SLC12A7: variants seen among roughly 807,000 people sequenced by gnomAD.
SLC12A7 encodes the protein K-Cl cotransporter 4.
Under a neutral mutation model 120.6 loss-of-function variants are expected in SLC12A7, and 100 were observed. The observed-to-expected ratio is 0.83, with a 90% CI of 0.71 to 0.98. SLC12A7 has a LOEUF of 0.98. Among genes scored for constraint, SLC12A7 ranks in the 50% least tolerant of loss-of-function variants. The probability of loss-of-function intolerance (pLI) is 0.00; values close to 1 mark genes in which losing one functional copy is unlikely to be tolerated. For missense variants in SLC12A7, 1,373 were observed against 1,548.1 expected, an observed-to-expected ratio of 0.89 and a Z score of 1.90; for synonymous variants, 760 against 678.0, an observed-to-expected ratio of 1.12 and a Z score of -1.88.
At chr5:1,068,999 A>G (rs1167944602) in intron 17 of SLC12A7, among the ~76,000 whole-genome samples, 1 of 152,246 alleles carries the variant, frequency 6.6e-6, no homozygotes, top group African/African-American at 2.4e-5. Context: ...GGGATAAGGA[A>G]CACGGAAAGG....
chr5:1,085,490 G>A lies in SLC12A7; in HGVS notation c.676-17C>T, dbSNP rs745836315. Reference sequence around the variant, plus strand: ...GATGTACGTCTGTGGGAACAAGGCCGGTCGGGAGGCCGTCCCCGGACACAA... The same window carrying A: ...GATGTACGTCTGTGGGAACAAGGCCAGTCGGGAGGCCGTCCCCGGACACAA... On this transcript the variant is annotated splice_polypyrimidine_tract_variant and intron_variant, in intron 6 of 23. Transcript: ENST00000264930. 19 of 1,581,594 alleles carry A rather than the reference G, an allele frequency of 1.2e-5. No individual in the cohort carries two copies. Among genetic ancestry groups the A allele is most frequent in the Non-Finnish European group, 1.5e-5 (18 of 1,163,824 alleles).
At chr5:1,054,620 C>G (rs1735413932) in intron 22 of SLC12A7, among the ~76,000 whole-genome samples, 1 of 152,102 alleles carries the variant, frequency 6.6e-6, no homozygotes, top group South Asian at 2.1e-4. Context: ...TGACTGTGGC[C>G]CCCTGGGGGA....
At position 1,051,223 on chromosome 5, in the gene SLC12A7, C is replaced by T; in HGVS notation, c.*1137G>A. On this transcript the variant is annotated 3_prime_UTR_variant, in exon 24 of 24. Transcript: ENST00000264930. ...CGCCGCCTCCATGCAAGGCACAGGCCATGGCAGGGGACGCCCGGGACTCAG... is the reference window on the plus strand; with the variant it reads ...CGCCGCCTCCATGCAAGGCACAGGCTATGGCAGGGGACGCCCGGGACTCAG... The T allele has an allele frequency of 3.1e-6, 1 of 318,738 alleles. No individual in the cohort carries two copies. The highest frequency in any genetic ancestry group is 5.7e-6 in the Non-Finnish European group (1 of 175,946). 19.7% of individuals were successfully genotyped at this position (318,738 alleles called of 1,614,324 possible).
At chr5:1,100,901 G>A (rs1446088215) in intron 1 of SLC12A7, among the ~76,000 whole-genome samples, 1 of 152,208 alleles carries the variant, frequency 6.6e-6, no homozygotes, top group Non-Finnish European at 1.5e-5. Flanking sequence ...GGACAGAAAA[G>A]CACACCCGGG....
At chr5:1,108,425 C>T (rs78723526) in intron 1 of SLC12A7, among the ~76,000 whole-genome samples, 3,515 of 152,304 alleles carry the variant, frequency 0.023, 117 homozygotes, top group East Asian at 0.13. Context: ...CACCACATAC[C>T]CATGACCTTC....
chr5:1,121,879 A>G, the SLC12A7 span, among the ~76,000 whole-genome samples: 2 of 152,264 alleles, frequency 1.3e-5, no homozygotes, highest in Middle Eastern at 3.4e-3. Context: ...ACTGTCCCTG[A>G]TGGGGTTGTG....
intron 1 of SLC12A7, among the ~76,000 whole-genome samples, chr5:1,100,846 C>A (rs1741946726): frequency 6.6e-6 from 1 of 152,338 alleles, no homozygotes; most frequent in South Asian, 2.1e-4. Context: ...CCCGAGGCAG[C>A]GTGGGAACTT....
intron 1 of SLC12A7, among the ~76,000 whole-genome samples, chr5:1,099,034 G>C (rs1322776099): frequency 1.3e-5 from 2 of 152,108 alleles, no homozygotes; most frequent in Middle Eastern, 3.2e-3. Flanking sequence ...GGTGCAGGAA[G>C]GTGAGATGGG....
At position 1,078,771 on chromosome 5, in the gene SLC12A7, T is replaced by C. The variant is rs1191342747; in HGVS notation, c.1397-13A>G. ...ATGCAGGAGAGATCCACAGCCCTCG[T>C]CAAGGAAAGGCAGGTCCGTGGGTGC... On this transcript the variant is annotated splice_polypyrimidine_tract_variant and intron_variant, in intron 10 of 23. Coordinates refer to ENST00000264930, the MANE Select transcript of SLC12A7 (RefSeq NM_006598.3). 1 of 1,586,278 alleles carries C rather than the reference T, an allele frequency of 6.3e-7. No individual in the cohort carries two copies. Among genetic ancestry groups the C allele is most frequent in the Non-Finnish European group, 8.6e-7 (1 of 1,168,402 alleles).
intron 18 of SLC12A7, among the ~76,000 whole-genome samples, chr5:1,064,749 CGAGGAGACGGT>C (rs1736753880): frequency 7.4e-6 from 1 of 136,020 alleles, no homozygotes; most frequent in East Asian, 2.3e-4. Context: ...GAGGGGACGG[CGAGGAGACGGT>C]GAAGGGACAG....
rs1332685336 is a variant in SLC12A7, at chr5:1,076,755, G to A, written c.1687C>T (p.Leu563Phe). 6.2e-6 allele frequency: 10 copies of A among 1,611,506 alleles called. No homozygotes were observed. Among genetic ancestry groups the A allele is most frequent in the Middle Eastern group, 1.7e-4 (1 of 6,058 alleles). ...EPTWALLLTV[L>F]ICETGILIAS... ...ATGAGGATGCCAGTCTCGCAGATGA[G>A]GACTGTCAGCAGCAGCGCCCACGTG... is the stretch of plus-strand genomic sequence containing the variant. Residue 563 changes from leucine (L) to phenylalanine (F), a missense_variant, in exon 13 of 24, where the codon CTC (leucine) becomes TTC (phenylalanine). Physicochemically the swap from Leu to Phe is conservative, Grantham distance 22 (BLOSUM62 0). Transcript: ENST00000264930.
In SLC12A7 at chr5:1,079,508, G is replaced by A. The variant is rs771579260; in HGVS notation, c.1298-12C>T. 27 of 1,608,256 alleles carry A rather than the reference G, an allele frequency of 1.7e-5. No individual in the cohort carries two copies. The highest frequency in any genetic ancestry group is 2.3e-5 in the Non-Finnish European group (27 of 1,175,972). On this transcript the variant is annotated splice_polypyrimidine_tract_variant and intron_variant, in intron 9 of 23. Transcript: ENST00000264930. ...ACCCGCCATGATACCTGTGAACATGGAAAATGCTGCAAAGACCCATCTGAG... is the reference window on the plus strand; with the variant it reads ...ACCCGCCATGATACCTGTGAACATGAAAAATGCTGCAAAGACCCATCTGAG...
intron 3 of SLC12A7, among the ~76,000 whole-genome samples, chr5:1,090,346 T>C (rs1380543720): frequency 6.6e-6 from 1 of 152,186 alleles, no homozygotes; most frequent in East Asian, 1.9e-4. Context: ...GCCCTGGATC[T>C]GAGAGCCTGG....
chr5:1,138,873 C>G, the SLC12A7 span, among the ~76,000 whole-genome samples: 1 of 152,228 alleles, frequency 6.6e-6, no homozygotes, highest in Non-Finnish European at 1.5e-5. Flanking sequence ...AACTGCAACA[C>G]ACAGCTTTCT....
chr5:1,132,235 A>G, the SLC12A7 span, among the ~76,000 whole-genome samples: 2 of 152,144 alleles, frequency 1.3e-5, no homozygotes, highest in Non-Finnish European at 1.5e-5. Context: ...CAGTTTACAG[A>G]GGCCACGGCA....
In SLC12A7 at chr5:1,083,869, G is replaced by C. The variant is rs997680538; in HGVS notation, c.1005C>G (p.Thr335=). The change falls in exon 8 of 24, where the codon ACC becomes ACG. Residue 335 remains threonine (T), a synonymous_variant. Transcript: ENST00000264930. ...TGCAGAAGAGGCCCCAGAGCGCGGA[G>C]GTGGCTGAGTTGTTGTGGATGCCGT... ...KAYGIHNNSA[T]SALWGLFCNG... is the part of the protein sequence containing the mutation. The C allele has an allele frequency of 6.2e-7, 1 of 1,608,346 alleles. No homozygotes were observed. Among genetic ancestry groups the C allele is most frequent in the Non-Finnish European group, 8.5e-7 (1 of 1,177,564 alleles).
rs552371271 is a variant in SLC12A7, at chr5:1,060,950, G to A, written c.2740-499C>T. Among the ~76,000 whole-genome samples the A allele has an allele frequency of 1.2e-3, 176 of 150,650 alleles. 1 individual carries two copies. Among genetic ancestry groups the A allele is most frequent in the Admixed American group, 6.6e-3 (101 of 15,198 alleles). ...CGTGCGGGACCCCTGCGCCTCACCCGGAACATCCACAGTGTGGGACTGCTG... is the reference window on the plus strand; with the variant it reads ...CGTGCGGGACCCCTGCGCCTCACCCAGAACATCCACAGTGTGGGACTGCTG... On this transcript the variant is annotated intron_variant, in intron 20 of 23. Transcript: ENST00000264930.
chr5:1,106,404 G>A (rs1001643898), intron 1 of SLC12A7, among the ~76,000 whole-genome samples: 2 of 146,956 alleles, frequency 1.4e-5, no homozygotes, highest in Non-Finnish European at 1.5e-5. Context: ...AGTGAGCTGA[G>A]TCTGTGCCAC....
intron 2 of SLC12A7, 138 bp from the exon 3 acceptor site, chr5:1,093,793 T>C (rs2150879667): frequency 3.8e-6 from 5 of 1,306,524 alleles, no homozygotes; most frequent in South Asian, 1.4e-5. Flanking sequence ...CAGAGAGGCC[T>C]GGACACCTGT....
Sources: allele counts gnomAD v4.1 joint callset (sites outside exome capture counted in the v4.1 genomes callset), GRCh38; gene constraint gnomAD v4.1.1; transcripts MANE v1.5; gene names NCBI Gene and HGNC (gene_info 2026-07-23, HGNC 2026-07-21).